FOXO1: variants seen among roughly 807,000 people sequenced by gnomAD.
The protein encoded by FOXO1 is forkhead box O1.
A neutral mutation model predicts 44.1 loss-of-function variants in FOXO1; 6 were observed. The ratio of observed to expected loss-of-function variants is 0.14; its 90% confidence interval spans 0.07 to 0.27. The LOEUF is 0.27. Among genes scored for constraint, FOXO1 ranks in the 10% least tolerant of loss-of-function variants. The pLI is 1.00. For synonymous variants in FOXO1, 380 were observed against 362.7 expected, an observed-to-expected ratio of 1.05 and a Z score of -0.54; for missense variants, 737 against 888.8, an observed-to-expected ratio of 0.83 and a Z score of 2.17.
At chr13:40,613,172 A>G (rs1458685919) in intron 1 of FOXO1, among the ~76,000 whole-genome samples, 2 of 152,222 alleles carry the variant, frequency 1.3e-5, no homozygotes, top group African/African-American at 4.8e-5. Context: ...CACTTGGTCA[A>G]TAAGAGATAG....
intron 1 of FOXO1, chr13:40,611,178 T>C: frequency 2.7e-6 from 1 of 375,244 alleles, no homozygotes; most frequent in East Asian, 8.6e-5. Flanking sequence ...ATGAGTTTTG[T>C]TCTACCCTGT....
chr13:40,641,365 A>G (rs945234532), intron 1 of FOXO1, among the ~76,000 whole-genome samples: 2 of 151,946 alleles, frequency 1.3e-5, no homozygotes, highest in African/African-American at 4.8e-5. Flanking sequence ...TTCTCCTTAG[A>G]GAACAATTCA....
chr13:40,582,614 T>C (rs1316526638), intron 1 of FOXO1, among the ~76,000 whole-genome samples: 3 of 152,246 alleles, frequency 2.0e-5, no homozygotes, highest in African/African-American at 7.2e-5. Context: ...TCACCAGAAG[T>C]AGATTCCATC....
chr13:40,637,331 C>G (rs1877193069), intron 1 of FOXO1, among the ~76,000 whole-genome samples: 1 of 150,370 alleles, frequency 6.7e-6, no homozygotes, highest in South Asian at 2.1e-4. Flanking sequence ...GTAGTCCCAG[C>G]TACTCAGGAG....
chr13:40,619,939 G>C (rs1876553084), intron 1 of FOXO1: 2 of 677,132 alleles, frequency 3.0e-6, no homozygotes, highest in Admixed American at 4.4e-5. Context: ...CCAAAGATTA[G>C]GGCCAATAAG....
intron 1 of FOXO1, among the ~76,000 whole-genome samples, chr13:40,605,900 T>C (rs1440541862): frequency 6.6e-6 from 1 of 152,076 alleles, no homozygotes; most frequent in East Asian, 1.9e-4. Context: ...TGACAAGTAT[T>C]GAAAAGTAGT....
At chr13:40,591,954 G>T (rs947046160) in intron 1 of FOXO1, among the ~76,000 whole-genome samples, 2 of 152,040 alleles carry the variant, frequency 1.3e-5, no homozygotes. Flanking sequence ...TGATCCACCC[G>T]CCTTGACCTC....
chr13:40,656,168 T>G (rs546745604), intron 1 of FOXO1, among the ~76,000 whole-genome samples: 1 of 152,240 alleles, frequency 6.6e-6, no homozygotes, highest in African/African-American at 2.4e-5. Context: ...TCTGGATCTA[T>G]TGAAATATCC....
intron 1 of FOXO1, among the ~76,000 whole-genome samples, chr13:40,581,390 T>C (rs1452384172): frequency 6.6e-6 from 1 of 152,234 alleles, no homozygotes; most frequent in Non-Finnish European, 1.5e-5. Flanking sequence ...CGCTCCTTGA[T>C]CAGTCATCCT....
At chr13:40,600,753 G>C (rs1030967515) in intron 1 of FOXO1, among the ~76,000 whole-genome samples, 10 of 152,272 alleles carry the variant, frequency 6.6e-5, no homozygotes, top group South Asian at 2.1e-4. Flanking sequence ...AGGTGATTTT[G>C]ATAGTCAAGA....
In FOXO1 at chr13:40,616,858, T is replaced by TG. The variant is rs891530030; in HGVS notation, c.630+48724dup. 6.2e-4 allele frequency among the ~76,000 whole-genome samples: 95 copies of TG among 152,156 alleles called. 1 individual carries two copies. The highest frequency in any genetic ancestry group is 2.2e-3 in the African/African-American group (92 of 41,480). On this transcript the variant is annotated intron_variant, in intron 1 of 2. Transcript: ENST00000379561. ...CCGGAGCCAGAGCAAAAGGGACAGA[T>TG]GGAGAAAGGAGCAAGGAACCAGGAA...
At chr13:40,616,869 G>A (rs1211637329) in intron 1 of FOXO1, among the ~76,000 whole-genome samples, 1 of 152,118 alleles carries the variant, frequency 6.6e-6, no homozygotes, top group Non-Finnish European at 1.5e-5. Context: ...GGAGAAAGGA[G>A]CAAGGAACCA....
chr13:40,664,940 C>G (rs930728304), intron 1 of FOXO1, among the ~76,000 whole-genome samples: 4 of 151,922 alleles, frequency 2.6e-5, no homozygotes, highest in African/African-American at 7.2e-5. Context: ...GTGTCGGAGG[C>G]ACCACCTCGG....
chr13:40,616,471 G>A (rs1876427429), intron 1 of FOXO1, among the ~76,000 whole-genome samples: 1 of 152,174 alleles, frequency 6.6e-6, no homozygotes, highest in Non-Finnish European at 1.5e-5. Context: ...AGGATGAGAC[G>A]ATGCTCATCT....
chr13:40,664,537 G>T (rs1479378628), intron 1 of FOXO1, among the ~76,000 whole-genome samples: 2 of 152,056 alleles, frequency 1.3e-5, no homozygotes, highest in African/African-American at 2.4e-5. Context: ...GACGCGCACC[G>T]CCACTCCGAC....
intron 1 of FOXO1, among the ~76,000 whole-genome samples, chr13:40,643,431 TG>T (rs1263448512): frequency 2.6e-5 from 4 of 152,056 alleles, no homozygotes; most frequent in African/African-American, 9.7e-5. Flanking sequence ...CTGCAAACTC[TG>T]GGTGTATTTC....
chr13:40,660,438 T>C (rs1219453077), intron 1 of FOXO1, among the ~76,000 whole-genome samples: 1 of 152,194 alleles, frequency 6.6e-6, no homozygotes, highest in Non-Finnish European at 1.5e-5. Flanking sequence ...ATGCAAATCA[T>C]TCAGGCTTCC....
intron 1 of FOXO1, among the ~76,000 whole-genome samples, chr13:40,583,345 G>T (rs528109344): frequency 1.6e-4 from 25 of 152,304 alleles, no homozygotes; most frequent in African/African-American, 4.8e-4. Context: ...TCAACTTCAA[G>T]CCACCAGCTG....
At chr13:40,606,289 GTTTCTTTCTTTCTT>G (rs1566073687) in intron 1 of FOXO1, among the ~76,000 whole-genome samples, 2 of 151,954 alleles carry the variant, frequency 1.3e-5, no homozygotes, top group Non-Finnish European at 2.9e-5. Context: ...TGGTTGGTTG[GTTTCTTTCTTTCTT>G]TTTCTTTCTT....
Sources: gnomAD v4.1 joint callset for allele counts (sites outside exome capture counted in the v4.1 genomes callset) on GRCh38, gnomAD v4.1.1 for gene constraint, MANE v1.5 for transcripts, NCBI Gene and HGNC (gene_info 2026-07-23, HGNC 2026-07-21) for gene names.